Variants in FHL2 observed in about 807,000 individuals in gnomAD.
FHL2 encodes four and a half LIM domains protein 2.
In FHL2, 20 loss-of-function variants were observed where a neutral mutation model predicts 32.7. The observed-to-expected ratio is 0.61, with a 90% CI of 0.43 to 0.89. FHL2 has a LOEUF of 0.89. Ranked by LOEUF, FHL2 falls within the 40% of genes least tolerant of loss-of-function variation. The pLI is 0.00. For missense variants in FHL2, 311 were observed against 358.6 expected, an observed-to-expected ratio of 0.87 and a Z score of 1.07; for synonymous variants, 123 against 128.1, an observed-to-expected ratio of 0.96 and a Z score of 0.27.
At chr2:105,358,254 C>T (rs1419833020), downstream of FHL2, 1 of 152,280 alleles carries the variant, frequency 6.6e-6, no homozygotes, top group Non-Finnish European at 1.5e-5. Context: ...GGCATAACTG[C>T]TGGGTTACCA....
chr2:105,367,452 G>T, intron 5 of FHL2, 118 bp downstream of exon 5: 1 of 1,031,846 alleles, frequency 9.7e-7, no homozygotes, highest in Non-Finnish European at 1.4e-6. Flanking sequence ...GACAGGCACA[G>T]CTCCCACGCC....
intron 1 of FHL2, among the ~76,000 whole-genome samples, chr2:105,415,425 G>A (rs1481625911): frequency 6.6e-6 from 1 of 152,178 alleles, no homozygotes; most frequent in African/African-American, 2.4e-5. Context: ...TTCTCTTTTT[G>A]TTGCTTCTGA....
chr2:105,361,317 T>C lies in FHL2; in HGVS notation c.806A>G (p.Asp269Gly). The C allele has an allele frequency of 6.2e-7, 1 of 1,614,130 alleles. No individual in the cohort carries two copies. The highest frequency in any genetic ancestry group is 8.5e-7 in the Non-Finnish European group (1 of 1,179,974). ...TTTCCCACAGTCGGGGCACAGGATG[T>C]CGTCCCTCTCTGTGAGGAAGCCACG... Reference protein sequence around the residue: ...VGRGFLTERDDILCPDCGKDI With the variant: ...VGRGFLTERDGILCPDCGKDI Residue 269 changes from aspartate (D) to glycine (G), a missense_variant, in exon 7 of 7, where the codon GAC becomes GGC. Transcript: ENST00000530340.
intron 1 of FHL2, among the ~76,000 whole-genome samples, chr2:105,414,537 A>G (rs1683878795): frequency 1.3e-5 from 2 of 151,946 alleles, no homozygotes. Flanking sequence ...AGAGATTTAA[A>G]GGTTTTTGTT....
At chr2:105,420,438 C>T (rs1684066307) in intron 1 of FHL2, among the ~76,000 whole-genome samples, 1 of 152,098 alleles carries the variant, frequency 6.6e-6, no homozygotes, top group Non-Finnish European at 1.5e-5. Context: ...CGGTAACAAC[C>T]CCATTTCCGA....
chr2:105,364,493 A>C (rs1456912443), intron 5 of FHL2, among the ~76,000 whole-genome samples: 2 of 152,224 alleles, frequency 1.3e-5, no homozygotes, highest in African/African-American at 4.8e-5. Flanking sequence ...TGTGAGGTGA[A>C]GCTGCAAAGC....
At chr2:105,407,613 T>A (rs1683675936) in intron 1 of FHL2, among the ~76,000 whole-genome samples, 1 of 151,624 alleles carries the variant, frequency 6.6e-6, no homozygotes. Context: ...GATGCAAACT[T>A]GGGAATCTCT....
intron 1 of FHL2, among the ~76,000 whole-genome samples, chr2:105,397,385 C>T (rs1156302818): frequency 6.6e-6 from 1 of 152,150 alleles, no homozygotes; most frequent in Non-Finnish European, 1.5e-5. Flanking sequence ...ACAACCCTAA[C>T]AAAAAGACAA....
chr2:105,427,762 C>T (rs527362707), intron 1 of FHL2, among the ~76,000 whole-genome samples: 1 of 152,302 alleles, frequency 6.6e-6, no homozygotes, highest in South Asian at 2.1e-4. Flanking sequence ...GGCAGCTTCA[C>T]TAGGCCCTGG....
At chr2:105,418,360 C>T (rs941229398) in intron 1 of FHL2, among the ~76,000 whole-genome samples, 17 of 152,062 alleles carry the variant, frequency 1.1e-4, no homozygotes, top group Non-Finnish European at 5.9e-5. Flanking sequence ...AACACTCTCC[C>T]CAACAGAAAC....
Position 105,372,533 on chromosome 2 carries a change from A to G in FHL2, c.331+1026T>C, listed in dbSNP as rs951479283. 3.9e-5 allele frequency among the ~76,000 whole-genome samples: 6 copies of G among 152,132 alleles called. No homozygotes were observed. The South Asian group carries it at 1.2e-3, about 32-fold the overall frequency. On this transcript the variant is annotated intron_variant, in intron 4 of 6. Transcript: ENST00000530340. ...AGCCACCACACCTGGCATCCTACAT[A>G]TATTTCTAAACTATTTCCCATATGT...
intron 3 of FHL2, among the ~76,000 whole-genome samples, chr2:105,382,636 A>G (rs1047344249): frequency 2.0e-5 from 3 of 152,250 alleles, no homozygotes; most frequent in African/African-American, 7.2e-5. Flanking sequence ...GACTACCACT[A>G]GAAACTAAAC....
At chr2:105,427,161 C>T (rs1056147929) in intron 1 of FHL2, among the ~76,000 whole-genome samples, 8 of 152,108 alleles carry the variant, frequency 5.3e-5, no homozygotes, top group African/African-American at 1.9e-4. Context: ...GCTGCCCACA[C>T]CAGGAAGTAC....
intron 3 of FHL2, among the ~76,000 whole-genome samples, chr2:105,383,383 A>G (rs1231697455): frequency 6.6e-6 from 1 of 152,258 alleles, no homozygotes; most frequent in East Asian, 1.9e-4. Flanking sequence ...GGCCATACAA[A>G]TCAATAATCT....
At chr2:105,389,895 T>G (rs1318349770) in intron 2 of FHL2, 1 of 152,186 alleles carries the variant, frequency 6.6e-6, no homozygotes, top group Non-Finnish European at 1.5e-5. Context: ...GTTTTCCACT[T>G]CCTCTGATTC....
At chr2:105,380,297 G>A (rs1428864028) in intron 3 of FHL2, among the ~76,000 whole-genome samples, 2 of 152,166 alleles carry the variant, frequency 1.3e-5, no homozygotes, top group African/African-American at 4.8e-5. Flanking sequence ...GGGTGCCTGA[G>A]CCTGTGCTTC....
At chr2:105,389,575 C>T (rs968369490) in intron 2 of FHL2, among the ~76,000 whole-genome samples, 1 of 152,142 alleles carries the variant, frequency 6.6e-6, no homozygotes, top group African/African-American at 2.4e-5. Context: ...AAACAAATCC[C>T]CAGATTATCT....
At chr2:105,406,254 C>G (rs921284971) in intron 1 of FHL2, among the ~76,000 whole-genome samples, 1 of 152,106 alleles carries the variant, frequency 6.6e-6, no homozygotes, top group African/African-American at 2.4e-5. Context: ...ATAAAAAAAC[C>G]TTCAAAAATT....
chr2:105,430,988 G>A (rs896913679), intron 1 of FHL2, among the ~76,000 whole-genome samples: 2 of 152,176 alleles, frequency 1.3e-5, no homozygotes, highest in African/African-American at 4.8e-5. Context: ...TGATCTTTGG[G>A]TCTTCCTTTC....
Sources: gnomAD v4.1 joint callset for allele counts (sites outside exome capture counted in the v4.1 genomes callset) on GRCh38, gnomAD v4.1.1 for gene constraint, MANE v1.5 for transcripts, NCBI Gene and HGNC (gene_info 2026-07-23, HGNC 2026-07-21) for gene names.